The following STK32A variants were observed in gnomAD, a reference collection of about 807,000 sequenced individuals.
The protein encoded by STK32A is serine/threonine-protein kinase 32A.
In STK32A, 41 loss-of-function variants were observed where a neutral mutation model predicts 53.2. That is an observed-to-expected ratio of 0.77 (90% CI 0.60 to 1.00). The LOEUF is 1.00. STK32A is among the 50% of genes least tolerant of loss of function. STK32A has a pLI of 0.00. For synonymous variants in STK32A, 166 were observed against 162.8 expected (o/e 1.02, Z -0.15); for missense variants, 458 against 485.8 (o/e 0.94, Z 0.54).
chr5:147,365,134 CT>C (rs1756686221), intron 8 of STK32A, among the ~76,000 whole-genome samples: 1 of 152,300 alleles, frequency 6.6e-6, no homozygotes. Context: ...AAAATGCCAT[CT>C]CCCAAGTAAT....
intron 2 of STK32A, among the ~76,000 whole-genome samples, chr5:147,269,232 A>C (rs558022719): frequency 5.3e-5 from 8 of 152,324 alleles, no homozygotes; most frequent in Middle Eastern, 3.4e-3. Context: ...GATGTTAGCT[A>C]CTATGAATTT....
In STK32A at chr5:147,362,207, A is replaced by G. The variant is rs188631275; in HGVS notation, c.660+593A>G. On this transcript the variant is annotated intron_variant, in intron 8 of 12. Transcript: ENST00000397936. ...GTGCAAACTATTACATAATAGAAATACACTCCTTAGGTTATATCTCAGTCA... is the reference window on the plus strand; with the variant it reads ...GTGCAAACTATTACATAATAGAAATGCACTCCTTAGGTTATATCTCAGTCA... Among the ~76,000 whole-genome samples, 978 of 152,366 alleles carry G rather than the reference A, an allele frequency of 6.4e-3. 17 individuals carry two copies. The highest frequency in any genetic ancestry group is 0.022 in the African/African-American group (931 of 41,592).
intron 2 of STK32A, among the ~76,000 whole-genome samples, chr5:147,249,303 T>C (rs1280454784): frequency 1.3e-5 from 2 of 152,124 alleles, no homozygotes; most frequent in Non-Finnish European, 2.9e-5. Flanking sequence ...ATAGTATCTG[T>C]CTCATAGTTT....
intron 6 of STK32A, chr5:147,343,351 C>G: frequency 2.0e-6 from 1 of 490,922 alleles, no homozygotes; most frequent in Non-Finnish European, 3.8e-6. Context: ...CTTAATATAA[C>G]ACGCAATCAC....
intron 4 of STK32A, among the ~76,000 whole-genome samples, chr5:147,316,212 G>A (rs1265990839): frequency 6.6e-6 from 1 of 152,120 alleles, no homozygotes; most frequent in African/African-American, 2.4e-5. Context: ...TTCATTGAGG[G>A]AGAAGACTGA....
At chr5:147,387,938 C>T (rs1175463732), downstream of STK32A, 1 of 152,066 alleles carries the variant, frequency 6.6e-6, no homozygotes, top group Admixed American at 6.6e-5. Context: ...TGCGGGTGCC[C>T]AAAGTAACCC....
At chr5:147,296,835 T>C (rs1182997849) in intron 4 of STK32A, among the ~76,000 whole-genome samples, 1 of 152,136 alleles carries the variant, frequency 6.6e-6, no homozygotes, top group Admixed American at 6.5e-5. Context: ...CTGCCTACTG[T>C]AACAGACCAA....
chr5:147,239,188 G>T (rs1289257754), intron 1 of STK32A, among the ~76,000 whole-genome samples: 1 of 152,078 alleles, frequency 6.6e-6, no homozygotes, highest in East Asian at 1.9e-4. Flanking sequence ...AATTTTTGTT[G>T]TTGATTACCC....
rs781708732 is a variant in STK32A at position 147,324,069 on chromosome 5, C to T, written c.432C>T (p.His144=). 5 of 1,600,232 alleles carry T rather than the reference C, an allele frequency of 3.1e-6. No homozygotes were observed. Among genetic ancestry groups the T allele is most frequent in the Non-Finnish European group, 1.7e-6 (2 of 1,173,462 alleles). The change falls in exon 5 of 13, where the codon CAC becomes CAT. Residue 144 remains histidine (H), a splice_region_variant and synonymous_variant. Transcript: ENST00000397936. The stretch of plus-strand genomic sequence containing the variant: ...ACCTGCAGAACCAGCGCATCATTCA[C>T]AGGTCAGTCAAGTCCAAGGAGATGG... ...LDYLQNQRII[H]RDMKPDNILL...
intron 2 of STK32A, among the ~76,000 whole-genome samples, chr5:147,261,496 A>G: frequency 6.6e-6 from 1 of 152,180 alleles, no homozygotes; most frequent in East Asian, 1.9e-4. Flanking sequence ...AGGGCAGAGC[A>G]GGTAGCAGGT....
intron 1 of STK32A, among the ~76,000 whole-genome samples, chr5:147,237,826 C>T (rs143096230): frequency 2.3e-4 from 35 of 152,268 alleles, no homozygotes; most frequent in South Asian, 8.3e-4. Flanking sequence ...AATGGGAAAA[C>T]GAGCTTTTCT....
chr5:147,357,654 T>G (rs1333931424), intron 7 of STK32A, among the ~76,000 whole-genome samples: 1 of 152,082 alleles, frequency 6.6e-6, no homozygotes, highest in East Asian at 1.9e-4. Flanking sequence ...TTTCTAACTT[T>G]GATGCTTTTC....
chr5:147,372,269 CTTTTTTTTTTTT>C (rs71274369), intron 9 of STK32A, among the ~76,000 whole-genome samples: 2 of 49,350 alleles, frequency 4.1e-5, no homozygotes, highest in Admixed American at 4.0e-4. Context: ...TGGGCTTGGC[CTTTTTTTTTTTT>C]TTTTTTTTTT....
intron 2 of STK32A, among the ~76,000 whole-genome samples, chr5:147,244,767 T>C (rs1038121331): frequency 1.3e-5 from 2 of 152,194 alleles, no homozygotes; most frequent in Admixed American, 6.5e-5. Flanking sequence ...CTCAGTTTCT[T>C]TGTATGTAAA....
intron 4 of STK32A, among the ~76,000 whole-genome samples, chr5:147,322,852 G>A (rs1754384821): frequency 6.6e-6 from 1 of 152,086 alleles, no homozygotes; most frequent in Non-Finnish European, 1.5e-5. Flanking sequence ...CCTGTGTGAA[G>A]CCCATGTCTG....
At chr5:147,279,001 A>G (rs1374025832) in intron 3 of STK32A, among the ~76,000 whole-genome samples, 2 of 152,220 alleles carry the variant, frequency 1.3e-5, no homozygotes, top group Non-Finnish European at 2.9e-5. Context: ...ATGCTGTCTT[A>G]AAAGCCCAAA....
chr5:147,292,599 TG>T (rs1478328438), intron 4 of STK32A, among the ~76,000 whole-genome samples: 3 of 152,322 alleles, frequency 2.0e-5, no homozygotes, highest in Middle Eastern at 6.8e-3. Flanking sequence ...CCAGGTGCAT[TG>T]GCTGATGCCT....
chr5:147,236,642 T>C (rs1753336088), intron 1 of STK32A, among the ~76,000 whole-genome samples: 1 of 152,176 alleles, frequency 6.6e-6, no homozygotes, highest in Non-Finnish European at 1.5e-5. Context: ...GACCACCCAG[T>C]GGTTCCATCT....
At chr5:147,284,437 G>T (rs1222594782) in intron 4 of STK32A, among the ~76,000 whole-genome samples, 2 of 152,004 alleles carry the variant, frequency 1.3e-5, no homozygotes, top group African/African-American at 2.4e-5. Flanking sequence ...AGAAATAAAG[G>T]TCATCTAAAT....
Sources: gnomAD v4.1 joint callset for allele counts (sites outside exome capture counted in the v4.1 genomes callset) on GRCh38, gnomAD v4.1.1 for gene constraint, MANE v1.5 for transcripts, NCBI Gene and HGNC (gene_info 2026-07-23, HGNC 2026-07-21) for gene names.